CDKN2B-AS1: variants seen among roughly 807,000 people sequenced by gnomAD.
CDKN2B-AS1 encodes CDKN2B and CDKN2A antisense cis and trans regulatory RNA 1, also known as CDKN2B antisense RNA 1 (non-protein coding).
intron 4 of CDKN2B-AS1, among the ~76,000 whole-genome samples, chr9:22,102,651 T>A (rs772313099): frequency 9.9e-5 from 15 of 152,198 alleles, no homozygotes; most frequent in Non-Finnish European, 1.9e-4. Flanking sequence ...TCCTTTAGGC[T>A]GTTTCTTATA....
chr9:22,091,690 C>T (rs1314997122), intron 4 of CDKN2B-AS1, among the ~76,000 whole-genome samples: 2 of 152,162 alleles, frequency 1.3e-5, no homozygotes, highest in African/African-American at 2.4e-5. Flanking sequence ...TGAGACTTTG[C>T]TGAAGTTGCT....
At chr9:22,038,750 G>A (rs572198323) in intron 1 of CDKN2B-AS1, among the ~76,000 whole-genome samples, 126 of 151,986 alleles carry the variant, frequency 8.3e-4, no homozygotes, top group Non-Finnish European at 6.2e-4. Context: ...TTTTAATGAC[G>A]GAGATAATGT....
At chr9:22,051,007 T>G (rs186253346) in intron 3 of CDKN2B-AS1, among the ~76,000 whole-genome samples, 34 of 152,320 alleles carry the variant, frequency 2.2e-4, no homozygotes, top group African/African-American at 6.7e-4. Context: ...AATATTGAGT[T>G]AATGACACAA....
At chr9:22,042,196 CT>C (rs534899261) in intron 1 of CDKN2B-AS1, among the ~76,000 whole-genome samples, 91 of 152,106 alleles carry the variant, frequency 6.0e-4, no homozygotes, top group African/African-American at 2.1e-3. Context: ...ATTTTCTTTC[CT>C]AAACCCTTTC....
At chr9:22,091,932 C>G (rs905843619) in intron 4 of CDKN2B-AS1, among the ~76,000 whole-genome samples, 2 of 152,106 alleles carry the variant, frequency 1.3e-5, no homozygotes, top group African/African-American at 4.8e-5. Context: ...CAGGTTTTGC[C>G]CATTCAGTAT....
rs998851404 is a variant in CDKN2B-AS1 at position 22,006,726 on chromosome 9, A to G, written n.29+11565A>G. On this transcript the variant is annotated intron_variant and non_coding_transcript_variant, in intron 1 of 4. Transcript: ENST00000650946. The surrounding 1 kb of genome is among the most constrained non-coding windows in gnomAD (Gnocchi z 6.4). Reference sequence around the variant, plus strand: ...GAAGTTGGGAGTAATGGTTTAGGGGAGAAAATAAACAACTAAGTTTTTTTC... The same window carrying G: ...GAAGTTGGGAGTAATGGTTTAGGGGGGAAAATAAACAACTAAGTTTTTTTC... Among the ~76,000 whole-genome samples, 1 of 152,066 alleles carries G rather than the reference A, an allele frequency of 6.6e-6. No individual in the cohort carries two copies. Among genetic ancestry groups the G allele is most frequent in the Non-Finnish European group, 1.5e-5 (1 of 68,020 alleles).
At chr9:22,035,881 G>C (rs1822666582) in intron 1 of CDKN2B-AS1, among the ~76,000 whole-genome samples, 1 of 152,132 alleles carries the variant, frequency 6.6e-6, no homozygotes. Context: ...CTGAATTAAA[G>C]AGAATTTTTT....
chr9:22,119,257 G>T (rs890040556), intron 4 of CDKN2B-AS1: 1 of 152,060 alleles, frequency 6.6e-6, no homozygotes, highest in African/African-American at 2.4e-5. Flanking sequence ...ATCTTAACAT[G>T]TAATTATGAT....
chr9:22,081,045 A>AT (rs202007921), intron 4 of CDKN2B-AS1, among the ~76,000 whole-genome samples: 2 of 152,060 alleles, frequency 1.3e-5, no homozygotes, highest in East Asian at 3.8e-4. Flanking sequence ...ACTGCAGTAC[A>AT]TTTTTTTCTT....
In CDKN2B-AS1 at chr9:22,117,408, G is replaced by C. The variant is rs140161841; in HGVS notation, n.439-9695G>C. The stretch of plus-strand genomic sequence containing the variant: ...CCAGGGCACTTAAATGAAGGGTTGG[G>C]GGGGAATCTTAACCTGAAATTGAAA... On this transcript the variant is annotated intron_variant and non_coding_transcript_variant, in intron 4 of 4. Coordinates refer to ENST00000650946, the Ensembl canonical transcript of CDKN2B-AS1. Among the ~76,000 whole-genome samples the C allele has an allele frequency of 4.3e-4, 65 of 152,282 alleles. 1 individual carries two copies. The highest frequency in any genetic ancestry group is 4.3e-3 in the East Asian group (22 of 5,176).
chr9:22,112,764 T>C (rs2131368984), intron 4 of CDKN2B-AS1, among the ~76,000 whole-genome samples: 1 of 152,304 alleles, frequency 6.6e-6, no homozygotes, highest in East Asian at 1.9e-4. Flanking sequence ...ATGTATAATT[T>C]ACCTGAAATA....
intron 1 of CDKN2B-AS1, chr9:22,004,934 C>G (rs1821090691): frequency 4.3e-6 from 1 of 233,260 alleles, no homozygotes; most frequent in East Asian, 6.0e-5. Flanking sequence ...ACTGAGTTTG[C>G]AACAGTGCCA....
At chr9:22,083,678 G>T (rs1025048790) in intron 4 of CDKN2B-AS1, among the ~76,000 whole-genome samples, 1 of 152,216 alleles carries the variant, frequency 6.6e-6, no homozygotes, top group Non-Finnish European at 1.5e-5. Flanking sequence ...TTGGGGTGGA[G>T]AATGAGAGAA....
chr9:22,118,851 C>T (rs1281066517), intron 4 of CDKN2B-AS1: 2 of 152,076 alleles, frequency 1.3e-5, no homozygotes, highest in Non-Finnish European at 2.9e-5. Context: ...TCCTTTTGTC[C>T]ATTTTCATCA....
chr9:22,100,538 A>G (rs1336622804), intron 4 of CDKN2B-AS1, among the ~76,000 whole-genome samples: 1 of 152,142 alleles, frequency 6.6e-6, no homozygotes, highest in Non-Finnish European at 1.5e-5. Context: ...TTATGTATAT[A>G]CCACCTTTTG....
At chr9:22,112,076 G>C (rs1825818656) in intron 4 of CDKN2B-AS1, 1 of 152,268 alleles carries the variant, frequency 6.6e-6, no homozygotes, top group Middle Eastern at 3.4e-3. Flanking sequence ...TTTTTCTCTT[G>C]TATGAGTCAC....
At chr9:22,126,574 CTTTTT>C (rs34700018) in intron 4 of CDKN2B-AS1, among the ~76,000 whole-genome samples, 1 of 104,890 alleles carries the variant, frequency 9.5e-6, no homozygotes, top group Non-Finnish European at 1.8e-5. Flanking sequence ...TAAGTGGATT[CTTTTT>C]TTTTTTTTTT....
In CDKN2B-AS1 at chr9:22,047,789, CTTTCTTTTTTTTTT is replaced by C. The variant is rs572771549; in HGVS notation, n.179+892_179+905del. Reference sequence around the variant, plus strand: ...CTGTTGATGAGAAAACTTTTTTTTTCTTTCTTTTTTTTTTTTAGACAGGGAATCATTCTGTTGCC... The same window carrying C: ...CTGTTGATGAGAAAACTTTTTTTTTCTTAGACAGGGAATCATTCTGTTGCC... On this transcript the variant is annotated intron_variant and non_coding_transcript_variant, in intron 2 of 4. Transcript: ENST00000650946. 1.8e-3 allele frequency among the ~76,000 whole-genome samples: 278 copies of C among 150,442 alleles called. 3 individuals are homozygous for C. Among genetic ancestry groups the C allele is most frequent in the Middle Eastern group, 0.017 (5 of 292 alleles).
At chr9:22,004,938 A>G (rs79703126) in intron 1 of CDKN2B-AS1, 50 of 233,356 alleles carry the variant, frequency 2.1e-4, no homozygotes, top group African/African-American at 1.0e-3. Flanking sequence ...AGTTTGCAAC[A>G]GTGCCATTGC....
Sources: allele counts gnomAD v4.1 joint callset (sites outside exome capture counted in the v4.1 genomes callset), GRCh38; gene constraint gnomAD v4.1.1; non-coding constraint Gnocchi (gnomAD v3.1); transcripts MANE v1.5; gene names NCBI Gene and HGNC (gene_info 2026-07-23, HGNC 2026-07-21).